The following ADD2 variants were observed in gnomAD, a reference collection of about 807,000 sequenced individuals.
ADD2 encodes beta-adducin.
Under a neutral mutation model 83.0 loss-of-function variants are expected in ADD2, and 23 were observed. That is an observed-to-expected ratio of 0.28 (90% CI 0.20 to 0.39). ADD2 has a LOEUF of 0.39. ADD2 is among the 10% of genes least tolerant of loss of function. The pLI is 1.00. For missense variants in ADD2, 758 were observed against 944.9 expected (o/e 0.80, Z 2.59); for synonymous variants, 375 against 375.4 (o/e 1.00, Z 0.01).
At chr2:70,684,139 G>A (rs1300515088) in intron 9 of ADD2, among the ~76,000 whole-genome samples, 1 of 152,194 alleles carries the variant, frequency 6.6e-6, no homozygotes, top group Non-Finnish European at 1.5e-5. Context: ...GTAATATTTT[G>A]TTCTTCAAGA....
chr2:70,659,337 T>G lies in ADD2; in HGVS notation c.*4088A>C, dbSNP rs1294871734. The G allele has an allele frequency of 6.6e-6, 1 of 152,118 alleles. No homozygotes were observed. Among genetic ancestry groups the G allele is most frequent in the African/African-American group, 2.4e-5 (1 of 41,392 alleles). 9.4% of individuals were successfully genotyped at this position (152,118 alleles called of 1,614,324 possible). On this transcript the variant is annotated 3_prime_UTR_variant, in exon 16 of 16. Transcript: ENST00000264436. ...ATCCATGGCAATCAAAGAAGTGGAT[T>G]TATAGCATTTTCCCCCACACTAGCA... is the stretch of plus-strand genomic sequence containing the variant.
Position 70,658,363 on chromosome 2 carries a change from G to A in ADD2, c.*5062C>T, listed in dbSNP as rs144004851. ...ACATCTGAATAGGTTGGTTAGACGG[G>A]GCTTCTGGAAGTAATTACACTCCAT... On this transcript the variant is annotated 3_prime_UTR_variant, in exon 16 of 16. Transcript: ENST00000264436. 1 of 152,176 alleles carries A rather than the reference G, an allele frequency of 6.6e-6. No individual in the cohort carries two copies. The highest frequency in any genetic ancestry group is 1.9e-4 in the East Asian group (1 of 5,186). The allele number at this position is 152,176 out of a possible 1,614,324, so 9.4% of individuals were successfully genotyped here.
intron 1 of ADD2, among the ~76,000 whole-genome samples, chr2:70,734,628 G>C (rs1156605749): frequency 6.6e-6 from 1 of 152,212 alleles, no homozygotes; most frequent in African/African-American, 2.4e-5. Flanking sequence ...GCCACTGGCA[G>C]GAGAGGAGAA....
intron 1 of ADD2, chr2:70,717,668 G>C (rs1236306378): frequency 6.6e-6 from 1 of 152,270 alleles, no homozygotes; most frequent in Non-Finnish European, 1.5e-5. Context: ...CTAGAAGTCA[G>C]AAGCCAGACT....
intron 15 of ADD2, among the ~76,000 whole-genome samples, chr2:70,665,385 T>C (rs1433872446): frequency 6.6e-6 from 1 of 152,204 alleles, no homozygotes; most frequent in Non-Finnish European, 1.5e-5. Context: ...TCAAAGACTT[T>C]GGCCACTGCT....
chr2:70,754,454 T>C (rs1674669813), intron 1 of ADD2, among the ~76,000 whole-genome samples: 1 of 151,868 alleles, frequency 6.6e-6, no homozygotes, highest in African/African-American at 2.4e-5. Context: ...TATAGTCACC[T>C]CTATCTATTT....
chr2:70,707,855 T>C (rs56166821), intron 2 of ADD2, among the ~76,000 whole-genome samples: 2 of 152,326 alleles, frequency 1.3e-5, no homozygotes, highest in African/African-American at 2.4e-5. Context: ...GATGGAATGC[T>C]CTCTTGTTCT....
intron 4 of ADD2, among the ~76,000 whole-genome samples, chr2:70,697,800 A>T (rs115469659): frequency 1.3e-4 from 20 of 152,312 alleles, no homozygotes; most frequent in Non-Finnish European, 2.5e-4. Flanking sequence ...GGTCTACAAA[A>T]AGCGAGGGCA....
chr2:70,713,107 C>T lies in ADD2; in HGVS notation c.-76G>A. Reference sequence around the variant, plus strand: ...CCCTGTCCAAGGCTCCTTCTGTTCACTGCTCAGTCTGCACCCCCTAGCTCC... The same window carrying T: ...CCCTGTCCAAGGCTCCTTCTGTTCATTGCTCAGTCTGCACCCCCTAGCTCC... On this transcript the variant is annotated 5_prime_UTR_variant, in exon 2 of 16. It adds an upstream start codon to the 5' untranslated region. Coordinates refer to ENST00000264436, the MANE Select transcript of ADD2 (RefSeq NM_001617.4). The T allele has an allele frequency of 1.0e-6, 1 of 985,542 alleles. No individual in the cohort carries two copies. The highest frequency in any genetic ancestry group is 1.2e-6 in the Non-Finnish European group (1 of 830,066). 61.0% of individuals were successfully genotyped at this position (985,542 alleles called of 1,614,324 possible).
At chr2:70,740,676 C>T (rs1298990917) in intron 1 of ADD2, among the ~76,000 whole-genome samples, 2 of 151,662 alleles carry the variant, frequency 1.3e-5, no homozygotes, top group Admixed American at 6.6e-5. Context: ...GTGTGTGTGT[C>T]TAAGAAATTT....
intron 2 of ADD2, chr2:70,711,274 G>A (rs2104404110): frequency 6.6e-6 from 1 of 152,240 alleles, no homozygotes; most frequent in South Asian, 2.1e-4. Flanking sequence ...AAGACAGTAG[G>A]AATGTCTTTT....
chr2:70,724,470 C>T (rs143360606), intron 1 of ADD2, among the ~76,000 whole-genome samples: 107 of 152,286 alleles, frequency 7.0e-4, no homozygotes, highest in African/African-American at 1.1e-3. Flanking sequence ...TATGTCTCTG[C>T]CCCCGCCCAC....
intron 15 of ADD2, 28 bp from the exon 16 acceptor site, chr2:70,663,763 G>A (rs1470522933): frequency 6.3e-7 from 1 of 1,592,982 alleles, no homozygotes; most frequent in Non-Finnish European, 8.6e-7. Context: ...GATATGACCT[G>A]TAAGATTTCA....
At position 70,702,656 on chromosome 2, in the gene ADD2, C is replaced by CA. The variant is rs200019485; in HGVS notation, c.322+1664dup. Among the ~76,000 whole-genome samples, 284 of 129,596 alleles carry CA rather than the reference C, an allele frequency of 2.2e-3. 3 individuals carry two copies. The highest frequency in any genetic ancestry group is 1.3e-3 in the East Asian group (6 of 4,584). The allele number at this position is 129,596 out of a possible 152,430, so 85.0% of individuals were successfully genotyped here. On this transcript the variant is annotated intron_variant, in intron 4 of 15. Transcript: ENST00000264436. ...ACAGAAACTAAAGAATTCTACAAGA[C>CA]AAAAAAAATGCCATGGACAAAACTA...
chr2:70,729,054 C>T (rs1270243345), intron 1 of ADD2, among the ~76,000 whole-genome samples: 1 of 152,210 alleles, frequency 6.6e-6, no homozygotes, highest in Non-Finnish European at 1.5e-5. Context: ...CCTTCACTGG[C>T]CTAACCATTC....
chr2:70,692,268 T>C (rs1314628131), intron 7 of ADD2, 135 bp downstream of exon 7: 104 of 1,035,516 alleles, frequency 1.0e-4, no homozygotes, highest in Middle Eastern at 2.1e-4. Flanking sequence ...AGGCTGGGCG[T>C]TTCCACGTTG....
At chr2:70,682,596 A>G (rs1314993011) in intron 10 of ADD2, among the ~76,000 whole-genome samples, 1 of 152,182 alleles carries the variant, frequency 6.6e-6, no homozygotes, top group African/African-American at 2.4e-5. Flanking sequence ...ATAAAGATAG[A>G]TTTCATCTTT....
intron 15 of ADD2, among the ~76,000 whole-genome samples, chr2:70,669,578 C>A (rs1553366751): frequency 6.6e-6 from 1 of 152,228 alleles, no homozygotes; most frequent in Admixed American, 6.5e-5. Context: ...CCCAAATATA[C>A]TTTCAGTATC....
chr2:70,765,936 T>C (rs1326499464), intron 1 of ADD2, among the ~76,000 whole-genome samples: 1 of 152,226 alleles, frequency 6.6e-6, no homozygotes, highest in Non-Finnish European at 1.5e-5. Context: ...ATATATCTAC[T>C]AGTCTTTTTT....
Sources: allele counts gnomAD v4.1 joint callset (sites outside exome capture counted in the v4.1 genomes callset), GRCh38; gene constraint gnomAD v4.1.1; transcripts MANE v1.5; gene names NCBI Gene and HGNC (gene_info 2026-07-23, HGNC 2026-07-21).